JAM3: variants seen among roughly 807,000 people sequenced by gnomAD.
JAM3 encodes junctional adhesion molecule C.
A neutral mutation model predicts 39.4 loss-of-function variants in JAM3; 31 were observed. The observed-to-expected ratio is 0.79, with a 90% CI of 0.59 to 1.06. The LOEUF (loss-of-function observed/expected upper bound fraction) is 1.06. JAM3 is among the 50% of genes least tolerant of loss of function. The pLI is 0.00. For synonymous variants in JAM3, 182 were observed against 148.7 expected, an observed-to-expected ratio of 1.22 and a Z score of -1.63; for missense variants, 455 against 391.4, an observed-to-expected ratio of 1.16 and a Z score of -1.37.
intron 1 of JAM3, chr11:134,124,343 A>ATGTGAGTGTGCG: frequency 1.3e-6 from 1 of 745,910 alleles, no homozygotes; most frequent in Non-Finnish European, 2.5e-6. Context: ...CAAATGAAAA[A>ATGTGAGTGTGCG]TGTGAGTGTG....
At chr11:134,110,844 G>A (rs1942295313) in intron 1 of JAM3, among the ~76,000 whole-genome samples, 1 of 152,030 alleles carries the variant, frequency 6.6e-6, no homozygotes, top group Non-Finnish European at 1.5e-5. Flanking sequence ...CACTTTATAT[G>A]TCAATTATAC....
chr11:134,141,564 C>T (rs1274915804), intron 3 of JAM3, among the ~76,000 whole-genome samples: 1 of 151,932 alleles, frequency 6.6e-6, no homozygotes, highest in Non-Finnish European at 1.5e-5. Context: ...GGGGAGGTGC[C>T]GTGGCTGCAT....
At chr11:134,097,083 T>TA (rs1280066000) in intron 1 of JAM3, among the ~76,000 whole-genome samples, 2 of 152,100 alleles carry the variant, frequency 1.3e-5, no homozygotes, top group Non-Finnish European at 2.9e-5. Context: ...TCATATATAA[T>TA]ACAGAAAAGC....
At chr11:134,108,899 A>G (rs914309247) in intron 1 of JAM3, among the ~76,000 whole-genome samples, 2 of 152,220 alleles carry the variant, frequency 1.3e-5, no homozygotes, top group Non-Finnish European at 2.9e-5. Flanking sequence ...AATATCCATG[A>G]AAAAGTTATA....
intron 1 of JAM3, among the ~76,000 whole-genome samples, chr11:134,076,272 A>G (rs1183148818): frequency 6.7e-6 from 1 of 149,100 alleles, no homozygotes; most frequent in Non-Finnish European, 1.5e-5. Context: ...CTCCTGCCTC[A>G]GCCTCTGGAG....
intron 1 of JAM3, among the ~76,000 whole-genome samples, chr11:134,093,990 T>G (rs540682115): frequency 8.1e-6 from 1 of 123,988 alleles, no homozygotes; most frequent in Admixed American, 8.1e-5. Flanking sequence ...GAGGAAAGCT[T>G]CTCCTGAACC....
intron 1 of JAM3, among the ~76,000 whole-genome samples, chr11:134,127,341 G>C (rs985853741): frequency 2.0e-5 from 3 of 152,224 alleles, no homozygotes; most frequent in Admixed American, 6.5e-5. Flanking sequence ...CTGGAACTAT[G>C]ATGTCTGATG....
intron 1 of JAM3, among the ~76,000 whole-genome samples, chr11:134,134,973 G>C (rs1484259042): frequency 6.6e-6 from 1 of 151,902 alleles, no homozygotes; most frequent in Non-Finnish European, 1.5e-5. Flanking sequence ...TTTCTTGGTA[G>C]TGTCCTTTGA....
intron 1 of JAM3, among the ~76,000 whole-genome samples, chr11:134,085,028 G>A (rs1941726178): frequency 1.3e-5 from 2 of 152,158 alleles, no homozygotes; most frequent in African/African-American, 4.8e-5. Context: ...GTATTGGAAT[G>A]GCTGCCAGGA....
At chr11:134,104,109 T>A (rs889765711) in intron 1 of JAM3, among the ~76,000 whole-genome samples, 3 of 152,232 alleles carry the variant, frequency 2.0e-5, no homozygotes, top group African/African-American at 7.2e-5. Context: ...TACTTGGAAG[T>A]AAAGCACTCC....
chr11:134,126,568 G>C (rs1207062234), intron 1 of JAM3: 1 of 152,226 alleles, frequency 6.6e-6, no homozygotes, highest in Non-Finnish European at 1.5e-5. Flanking sequence ...TTATACAGAA[G>C]TGCATGTTGC....
chr11:134,093,054 C>T (rs1204222076), intron 1 of JAM3, among the ~76,000 whole-genome samples: 2 of 136,324 alleles, frequency 1.5e-5, no homozygotes, highest in African/African-American at 5.7e-5. Flanking sequence ...CCTTATTCAT[C>T]ATGTTCCACC....
At chr11:134,094,724 C>T (rs968763166) in intron 1 of JAM3, among the ~76,000 whole-genome samples, 1 of 152,206 alleles carries the variant, frequency 6.6e-6, no homozygotes, top group African/African-American at 2.4e-5. Context: ...TTCGTGGCCC[C>T]TATACTTTTA....
At chr11:134,073,608 G>C (rs1462073656) in intron 1 of JAM3, among the ~76,000 whole-genome samples, 1 of 152,150 alleles carries the variant, frequency 6.6e-6, no homozygotes. Flanking sequence ...TGACGTGTCA[G>C]GCACTGTTCT....
At chr11:134,119,692 A>G (rs998895883) in intron 1 of JAM3, among the ~76,000 whole-genome samples, 6 of 152,240 alleles carry the variant, frequency 3.9e-5, no homozygotes, top group Admixed American at 3.3e-4. Context: ...TATTTAAATG[A>G]TCAGGTGAGG....
chr11:134,133,076 T>C (rs1942798210), intron 1 of JAM3, among the ~76,000 whole-genome samples: 1 of 152,230 alleles, frequency 6.6e-6, no homozygotes, highest in African/African-American at 2.4e-5. Flanking sequence ...GTTGTCAAGA[T>C]GGATGAGGGT....
At chr11:134,135,097 A>G (rs1394243649) in intron 1 of JAM3, among the ~76,000 whole-genome samples, 3 of 152,246 alleles carry the variant, frequency 2.0e-5, no homozygotes, top group East Asian at 3.9e-4. Context: ...ATGTTTCTCT[A>G]TGCGTTCTTC....
chr11:134,149,305 T>C lies in JAM3; in HGVS notation c.*124T>C. 1 of 1,225,930 alleles carries C rather than the reference T, an allele frequency of 8.2e-7. No homozygotes were observed. The highest frequency in any genetic ancestry group is 1.2e-6 in the Non-Finnish European group (1 of 853,150). 75.9% of individuals were successfully genotyped at this position (1,225,930 alleles called of 1,614,324 possible). ...TAGACACTCATTCAGAAGCTTTTCG[T>C]TTTGGCCAAAGTTGACCACTACTCT... On this transcript the variant is annotated 3_prime_UTR_variant, in exon 9 of 9. Transcript: ENST00000299106.
intron 1 of JAM3, among the ~76,000 whole-genome samples, chr11:134,105,368 T>C (rs1262089368): frequency 6.6e-6 from 1 of 151,704 alleles, no homozygotes; most frequent in East Asian, 1.9e-4. Flanking sequence ...ATAATAAGAG[T>C]TATTTATGAC....
Sources: gnomAD v4.1 joint callset for allele counts (sites outside exome capture counted in the v4.1 genomes callset) on GRCh38, gnomAD v4.1.1 for gene constraint, MANE v1.5 for transcripts, NCBI Gene and HGNC (gene_info 2026-07-23, HGNC 2026-07-21) for gene names.